Variants in CCDC171 observed in about 807,000 individuals in gnomAD.
The protein encoded by CCDC171 is coiled-coil domain-containing protein 171.
A neutral mutation model predicts 168.2 loss-of-function variants in CCDC171; 177 were observed. The observed-to-expected ratio is 1.05, with a 90% CI of 0.93 to 1.19. The LOEUF (loss-of-function observed/expected upper bound fraction) is 1.19, where lower values mean the gene tolerates loss of function less well. Among genes scored for constraint, CCDC171 ranks in the 50% most tolerant of loss-of-function variants. CCDC171 has a pLI of 0.00. For synonymous variants in CCDC171, 687 were observed against 540.8 expected (o/e 1.27, Z -3.75); for missense variants, 1,991 against 1,539.0 (o/e 1.29, Z -4.91).
chr9:15,611,697 C>G (rs1156431055), intron 6 of CCDC171, among the ~76,000 whole-genome samples: 1 of 152,134 alleles, frequency 6.6e-6, no homozygotes, highest in Non-Finnish European at 1.5e-5. Flanking sequence ...TAAACTCCTT[C>G]CTTTTACCAG....
chr9:15,931,867 A>G (rs1431539433), intron 25 of CCDC171, among the ~76,000 whole-genome samples: 5 of 151,702 alleles, frequency 3.3e-5, no homozygotes, highest in Admixed American at 3.3e-4. Flanking sequence ...AATACTATTT[A>G]TTGAAGAGAT....
intron 24 of CCDC171, among the ~76,000 whole-genome samples, chr9:15,908,856 A>G (rs1823165520): frequency 6.6e-6 from 1 of 152,142 alleles, no homozygotes; most frequent in African/African-American, 2.4e-5. Flanking sequence ...TAAAGCACCA[A>G]GCCATGAGGG....
chr9:15,911,238 C>A (rs1228099319), intron 24 of CCDC171, among the ~76,000 whole-genome samples: 1 of 152,220 alleles, frequency 6.6e-6, no homozygotes, highest in African/African-American at 2.4e-5. Context: ...GACAGCCATT[C>A]CAACTGGCGT....
Position 15,729,654 on chromosome 9 carries a change from G to A in CCDC171, c.1905G>A (p.Met635Ile), listed in dbSNP as rs1356404844. Residue 635 changes from methionine (M) to isoleucine (I), a missense_variant, in exon 16 of 26, where the codon ATG becomes ATA. Coordinates refer to ENST00000380701, the MANE Select transcript of CCDC171 (RefSeq NM_173550.4). ...EYICKNKSDT[M>I]RELQQTQEDT... ...TCTGTAAAAACAAGTCTGACACGAT[G>A]AGAGAGCTTCAGCAGACTCAGGAAG... 4 of 1,613,012 alleles carry A rather than the reference G, an allele frequency of 2.5e-6. No homozygotes were observed. Among genetic ancestry groups the A allele is most frequent in the Admixed American group, 3.3e-5 (2 of 59,904 alleles).
At chr9:15,670,955 G>T (rs1034108720) in intron 9 of CCDC171, among the ~76,000 whole-genome samples, 1 of 152,026 alleles carries the variant, frequency 6.6e-6, no homozygotes, top group East Asian at 1.9e-4. Context: ...GATTGCTTTT[G>T]GTGGCGCATG....
chr9:15,799,161 T>C (rs949323617), intron 21 of CCDC171, among the ~76,000 whole-genome samples: 1 of 123,396 alleles, frequency 8.1e-6, no homozygotes, highest in Non-Finnish European at 1.8e-5. Context: ...TATATATATA[T>C]ATATACCATT....
At chr9:15,711,119 T>G (rs560011545) in intron 11 of CCDC171, among the ~76,000 whole-genome samples, 1 of 152,332 alleles carries the variant, frequency 6.6e-6, no homozygotes, top group East Asian at 1.9e-4. Flanking sequence ...CACATGTGGC[T>G]ATTAAGTGCT....
Position 15,971,644 on chromosome 9 carries a change from T to C in CCDC171, c.3789T>C (p.Pro1263=). 3 of 1,613,746 alleles carry C rather than the reference T, an allele frequency of 1.9e-6. No individual in the cohort carries two copies. Among genetic ancestry groups the C allele is most frequent in the Non-Finnish European group, 2.5e-6 (3 of 1,179,830 alleles). The change falls in exon 26 of 26, where the codon CCT becomes CCC. Residue 1263 remains proline, a synonymous_variant. Transcript: ENST00000380701. Reference sequence around the variant, plus strand: ...GAGACCATTCAAATCTCTCCATTCCTTCAAGAGCTCCTCTTCCTGCTGACA... The same window carrying C: ...GAGACCATTCAAATCTCTCCATTCCCTCAAGAGCTCCTCTTCCTGCTGACA... ...GSRDHSNLSI[P]SRAPLPADTT... is the part of the protein sequence containing the mutation.
intron 1 of CCDC171, among the ~76,000 whole-genome samples, chr9:15,563,197 G>A (rs2039457556): frequency 6.7e-6 from 1 of 149,666 alleles, no homozygotes; most frequent in South Asian, 2.1e-4. Flanking sequence ...TGAGTGCAAT[G>A]GTGCAATCTT....
chr9:15,841,934 A>G (rs1329927176), intron 21 of CCDC171, among the ~76,000 whole-genome samples: 1 of 152,004 alleles, frequency 6.6e-6, no homozygotes, highest in East Asian at 1.9e-4. Flanking sequence ...TAGTTGTTAC[A>G]TAACAGTAGG....
At chr9:16,009,971 A>G (rs1270476865) in intron 3 of CCDC171, among the ~76,000 whole-genome samples, 2 of 152,216 alleles carry the variant, frequency 1.3e-5, no homozygotes, top group East Asian at 1.9e-4. Flanking sequence ...TTCCAAAACA[A>G]GAATTGGTCC....
rs557625078 is a variant in CCDC171, at chr9:15,624,711, A to C, written c.822+1298A>C. The stretch of plus-strand genomic sequence containing the variant: ...CCACATTTTCTTAATCCAGTCTATC[A>C]TTGTTGGACATTTGGGTTGGTTCCA... On this transcript the variant is annotated intron_variant, in intron 7 of 25. Transcript: ENST00000380701. 5.7e-4 allele frequency among the ~76,000 whole-genome samples: 85 copies of C among 150,386 alleles called. No individual in the cohort carries two copies. The South Asian group carries it at 6.6e-3, about 12-fold the overall frequency.
chr9:15,708,235 C>T (rs2052392541), intron 11 of CCDC171, among the ~76,000 whole-genome samples: 1 of 152,196 alleles, frequency 6.6e-6, no homozygotes, highest in South Asian at 2.1e-4. Context: ...AGCCTGGTAG[C>T]CTCCTATAAA....
At chr9:16,013,607 C>G (rs945769040) in intron 3 of CCDC171, among the ~76,000 whole-genome samples, 5 of 152,184 alleles carry the variant, frequency 3.3e-5, no homozygotes, top group African/African-American at 1.2e-4. Flanking sequence ...CCCGTACCTA[C>G]CTTTCTCATC....
At chr9:15,961,381 C>G (rs1227325501) in intron 25 of CCDC171, among the ~76,000 whole-genome samples, 1 of 152,134 alleles carries the variant, frequency 6.6e-6, no homozygotes, top group Non-Finnish European at 1.5e-5. Context: ...TACATTTTGA[C>G]CACAGAAGTC....
At chr9:16,058,623 CAA>C (rs1221554100) in intron 1 of CCDC171, among the ~76,000 whole-genome samples, 4 of 152,184 alleles carry the variant, frequency 2.6e-5, no homozygotes, top group Admixed American at 6.5e-5. Context: ...AAGCAGAACA[CAA>C]AGAGACCTTG....
At chr9:15,965,648 T>C (rs1198018651) in intron 25 of CCDC171, among the ~76,000 whole-genome samples, 2 of 152,178 alleles carry the variant, frequency 1.3e-5, no homozygotes, top group Non-Finnish European at 2.9e-5. Context: ...GCTATAATTG[T>C]AAAGTTAGAA....
rs780569223 is a variant in CCDC171, at chr9:15,578,829, T to C, written c.178-20T>C. The C allele has an allele frequency of 3.3e-5, 53 of 1,601,846 alleles. No homozygotes were observed. The highest frequency in any genetic ancestry group is 4.4e-5 in the Non-Finnish European group (51 of 1,172,202). On this transcript the variant is annotated intron_variant, in intron 3 of 25. Transcript: ENST00000380701. Reference sequence around the variant, plus strand: ...CTCATAATCTTTGGACACATGTTGATATCAGGAATCTGTTTTTAGCTGGCA... The same window carrying C: ...CTCATAATCTTTGGACACATGTTGACATCAGGAATCTGTTTTTAGCTGGCA...
chr9:15,941,611 A>G lies in CCDC171; in HGVS notation c.3753+21189A>G, dbSNP rs181649298. On this transcript the variant is annotated intron_variant, in intron 25 of 25. Coordinates refer to ENST00000380701, the MANE Select transcript of CCDC171 (RefSeq NM_173550.4). Reference sequence around the variant, plus strand: ...TTGATATTTTTAATGTTTCAAAGCCAGTGTTAAGAAGAGAGAATTGTGATA... The same window carrying G: ...TTGATATTTTTAATGTTTCAAAGCCGGTGTTAAGAAGAGAGAATTGTGATA... 2.4e-4 allele frequency among the ~76,000 whole-genome samples: 37 copies of G among 152,130 alleles called. No individual in the cohort carries two copies. The East Asian group carries it at 6.2e-3, about 26-fold the overall frequency.
Sources: allele counts gnomAD v4.1 joint callset (sites outside exome capture counted in the v4.1 genomes callset), GRCh38; gene constraint gnomAD v4.1.1; transcripts MANE v1.5; gene names NCBI Gene and HGNC (gene_info 2026-07-23, HGNC 2026-07-21).